Variants in EFCC1 observed in about 807,000 individuals in gnomAD.
The protein encoded by EFCC1 is EF-hand and coiled-coil domain containing 1, also known as EF-hand and coiled-coil domain-containing protein 1.
EFCC1 carries 50 observed loss-of-function variants against 52.1 expected under a neutral mutation model. The ratio of observed to expected loss-of-function variants is 0.96; its 90% CI spans 0.76 to 1.21. The LOEUF is 1.21. Ranked by LOEUF, EFCC1 falls within the 50% of genes most tolerant of loss-of-function variation. The pLI, the probability that EFCC1 is intolerant of heterozygous loss-of-function variation, is 0.00. For synonymous variants in EFCC1, 399 were observed against 396.5 expected (o/e 1.01, Z -0.08); for missense variants, 837 against 867.3 (o/e 0.97, Z 0.44).
chr3:129,029,099 G>T (rs920388916), intron 2 of EFCC1, among the ~76,000 whole-genome samples: 1 of 152,076 alleles, frequency 6.6e-6, no homozygotes, highest in African/African-American at 2.4e-5. Context: ...GAGTTCTCCC[G>T]TGTCCCCCTG....
intron 2 of EFCC1, among the ~76,000 whole-genome samples, chr3:129,012,452 C>T (rs748263424): frequency 2.0e-4 from 31 of 152,144 alleles, no homozygotes; most frequent in Admixed American, 6.5e-4. Flanking sequence ...TCTACTCGCT[C>T]CTGCTCCACA....
intron 4 of EFCC1, among the ~76,000 whole-genome samples, chr3:129,033,291 AC>A (rs1045194684): frequency 2.0e-5 from 3 of 151,998 alleles, no homozygotes; most frequent in Non-Finnish European, 2.9e-5. Context: ...CCCTCGCCAC[AC>A]ACCATTTCCA....
chr3:129,023,027 A>G (rs1257777113), intron 2 of EFCC1, among the ~76,000 whole-genome samples: 3 of 152,172 alleles, frequency 2.0e-5, no homozygotes, highest in Non-Finnish European at 2.9e-5. Flanking sequence ...AGAAAATAAG[A>G]TCTAGCTAGA....
At chr3:129,006,589 T>A (rs2107863655) in intron 2 of EFCC1, among the ~76,000 whole-genome samples, 1 of 152,338 alleles carries the variant, frequency 6.6e-6, no homozygotes, top group East Asian at 1.9e-4. Flanking sequence ...GTGCTGGGAT[T>A]ACAGGTGTGA....
intron 2 of EFCC1, among the ~76,000 whole-genome samples, chr3:129,028,166 C>T (rs1270853930): frequency 2.0e-5 from 3 of 151,476 alleles, no homozygotes; most frequent in Non-Finnish European, 2.9e-5. Context: ...TTACGGCAAC[C>T]GCCACCTCCT....
chr3:129,008,348 C>T (rs1028738851), intron 2 of EFCC1, among the ~76,000 whole-genome samples: 4 of 152,212 alleles, frequency 2.6e-5, no homozygotes, highest in Admixed American at 6.5e-5. Context: ...GTTTCAGCTC[C>T]ATCTCCTGCT....
At chr3:129,032,527 AAAAG>A (rs1031204163) in intron 3 of EFCC1, among the ~76,000 whole-genome samples, 3 of 152,082 alleles carry the variant, frequency 2.0e-5, no homozygotes, top group African/African-American at 7.2e-5. Flanking sequence ...AAAAAAAAGA[AAAAG>A]AAAAGAAAGA....
intron 2 of EFCC1, among the ~76,000 whole-genome samples, chr3:129,022,503 T>C (rs1001323196): frequency 6.6e-6 from 1 of 152,158 alleles, no homozygotes; most frequent in Non-Finnish European, 1.5e-5. Flanking sequence ...TGTCAGATTG[T>C]ATAAGCCCCT....
At chr3:129,037,906 A>G (rs1200585910) in intron 6 of EFCC1, among the ~76,000 whole-genome samples, 2 of 151,884 alleles carry the variant, frequency 1.3e-5, no homozygotes, top group East Asian at 3.9e-4. Flanking sequence ...TACAAAAAAA[A>G]AAAAAAAATT....
At chr3:129,004,296 T>A (rs1403659224) in intron 2 of EFCC1, among the ~76,000 whole-genome samples, 1 of 151,962 alleles carries the variant, frequency 6.6e-6, no homozygotes, top group East Asian at 1.9e-4. Context: ...CATCCATTTA[T>A]CCATCCATCT....
intron 1 of EFCC1, 67 bp downstream of exon 1, chr3:129,002,391 C>T (rs59793454): frequency 0.014 from 20,445 of 1,470,266 alleles, 918 homozygotes; most frequent in African/African-American, 0.11. Context: ...AGCTGGCTGG[C>T]TGCGGAGCCC....
At chr3:129,022,579 TCCG>T (rs1945906299) in intron 2 of EFCC1, among the ~76,000 whole-genome samples, 1 of 152,098 alleles carries the variant, frequency 6.6e-6, no homozygotes, top group South Asian at 2.1e-4. Flanking sequence ...TCACCCGGCC[TCCG>T]GATGCTGTGC....
chr3:129,002,022 G>A lies in EFCC1; in HGVS notation c.394G>A (p.Ala132Thr). 6.5e-7 allele frequency: 1 copy of A among 1,544,882 alleles called. No homozygotes were observed. Among genetic ancestry groups the A allele is most frequent in the South Asian group, 1.2e-5 (1 of 83,220 alleles). The change falls in exon 1 of 8, where the codon GCG becomes ACG. Residue 132 changes from alanine (A) to threonine (T), a missense_variant. Ala to Thr is a moderately conservative substitution (Grantham distance 58). Coordinates refer to ENST00000683648, the MANE Select transcript of EFCC1 (RefSeq NM_001377500.1). ...AGATACCGATGAAGAGGCGCGCCTG[G>A]CGCTGCGCGCCGAGCCGCCGGAGCT... ...DSDTDEEARL[A>T]LRAEPPELTF...
intron 2 of EFCC1, among the ~76,000 whole-genome samples, chr3:129,026,471 C>CGTA (rs1277439067): frequency 6.6e-6 from 1 of 152,192 alleles, no homozygotes; most frequent in Non-Finnish European, 1.5e-5. Context: ...GCTGACATAC[C>CGTA]TCCTCTGCCA....
At chr3:129,037,505 C>T (rs1559977275) in intron 6 of EFCC1, among the ~76,000 whole-genome samples, 1 of 152,130 alleles carries the variant, frequency 6.6e-6, no homozygotes, top group Non-Finnish European at 1.5e-5. Context: ...CCAAGTTGGA[C>T]TTATCCTACA....
intron 2 of EFCC1, among the ~76,000 whole-genome samples, chr3:129,028,974 C>G (rs927042940): frequency 6.6e-6 from 1 of 152,106 alleles, no homozygotes; most frequent in Admixed American, 6.5e-5. Flanking sequence ...CTTCGTGCAG[C>G]AGAGCACTCT....
intron 6 of EFCC1, 124 bp downstream of exon 6, chr3:129,037,241 C>A: frequency 7.5e-7 from 1 of 1,326,898 alleles, no homozygotes; most frequent in Non-Finnish European, 9.8e-7. Flanking sequence ...TCCCATTTTA[C>A]AGATGCAGAA....
intron 1 of EFCC1, among the ~76,000 whole-genome samples, chr3:129,002,965 T>G (rs1170280228): frequency 6.6e-6 from 1 of 152,072 alleles, no homozygotes; most frequent in East Asian, 1.9e-4. Flanking sequence ...GGACCCAGCC[T>G]TAGCATCTGG....
rs886656079 is a variant in EFCC1, at chr3:129,010,661, C to T, written c.980+6584C>T. On this transcript the variant is annotated intron_variant, in intron 2 of 7. Coordinates refer to ENST00000683648, the MANE Select transcript of EFCC1 (RefSeq NM_001377500.1). The surrounding 1 kb of genome is among the most constrained non-coding windows in gnomAD (Gnocchi z 4.3). ...CAGCCTTTGGGTGGGCCAAACTCAG[C>T]GGGTCCAGGGTGGGAGGGAGGCAGA... Among the ~76,000 whole-genome samples the T allele has an allele frequency of 3.4e-5, 5 of 145,012 alleles. No homozygotes were observed. Among genetic ancestry groups the T allele is most frequent in the African/African-American group, 1.2e-4 (5 of 40,166 alleles).
Sources: allele counts gnomAD v4.1 joint callset (sites outside exome capture counted in the v4.1 genomes callset), GRCh38; gene constraint gnomAD v4.1.1; non-coding constraint Gnocchi (gnomAD v3.1); transcripts MANE v1.5; gene names NCBI Gene and HGNC (gene_info 2026-07-23, HGNC 2026-07-21).